Variants in CTNNA3 observed in about 807,000 individuals in gnomAD.
CTNNA3 encodes catenin alpha-3.
A neutral mutation model predicts 95.7 loss-of-function variants in CTNNA3; 76 were observed. That is an observed-to-expected ratio of 0.79 (90% confidence interval 0.66 to 0.96). The LOEUF (loss-of-function observed/expected upper bound fraction) is 0.96. CTNNA3 is among the 40% of genes least tolerant of loss of function. The probability of loss-of-function intolerance (pLI) is 0.00; values close to 1 mark genes in which losing one functional copy is unlikely to be tolerated. For missense variants in CTNNA3, 1,191 were observed against 1,089.8 expected, an observed-to-expected ratio of 1.09 and a Z score of -1.31; for synonymous variants, 431 against 374.4, an observed-to-expected ratio of 1.15 and a Z score of -1.74.
intron 13 of CTNNA3, among the ~76,000 whole-genome samples, chr10:66,125,503 T>A (rs942337674): frequency 6.6e-6 from 1 of 151,912 alleles, no homozygotes; most frequent in African/African-American, 2.4e-5. Context: ...AGAAACCATA[T>A]GCAATGATTA....
intron 10 of CTNNA3, among the ~76,000 whole-genome samples, chr10:66,561,853 A>T (rs1842562825): frequency 6.6e-6 from 1 of 152,004 alleles, no homozygotes; most frequent in Admixed American, 6.6e-5. Flanking sequence ...CAAATTTCAC[A>T]TTATCCTACA....
chr10:67,226,442 A>G (rs138158541), intron 5 of CTNNA3, among the ~76,000 whole-genome samples: 1,618 of 152,322 alleles, frequency 0.011, 32 homozygotes, highest in African/African-American at 0.037. Context: ...CGAAGTTAAG[A>G]TGAAGGAAAG....
intron 17 of CTNNA3, among the ~76,000 whole-genome samples, chr10:65,953,913 G>A (rs1456471619): frequency 6.6e-6 from 1 of 152,168 alleles, no homozygotes; most frequent in Non-Finnish European, 1.5e-5. Context: ...TAATGGGATG[G>A]CTGGGTCAAA....
intron 11 of CTNNA3, among the ~76,000 whole-genome samples, chr10:66,422,500 T>G: frequency 6.6e-6 from 1 of 152,118 alleles, no homozygotes; most frequent in East Asian, 1.9e-4. Flanking sequence ...ATATGCATCA[T>G]TGATGATCTT....
intron 1 of CTNNA3, chr10:67,750,525 C>T (rs1841401294): frequency 1.9e-6 from 3 of 1,576,458 alleles, no homozygotes; most frequent in Non-Finnish European, 1.7e-6. Flanking sequence ...AAGTTGTGGC[C>T]CACTTTCTTT....
At chr10:67,755,802 C>CA (rs201336788) in intron 1 of CTNNA3, among the ~76,000 whole-genome samples, 1,144 of 58,328 alleles carry the variant, frequency 0.02, 27 homozygotes, top group African/African-American at 0.044. Context: ...GTCTCTGCCT[C>CA]AAAAAAAAAA....
intron 1 of CTNNA3, among the ~76,000 whole-genome samples, chr10:67,702,267 C>A (rs1841045653): frequency 6.6e-6 from 1 of 152,058 alleles, no homozygotes; most frequent in Non-Finnish European, 1.5e-5. Flanking sequence ...AGCTCTGCAC[C>A]AAGCGGACCT....
At chr10:66,408,340 C>G (rs1441323198) in intron 11 of CTNNA3, among the ~76,000 whole-genome samples, 1 of 152,034 alleles carries the variant, frequency 6.6e-6, no homozygotes, top group Non-Finnish European at 1.5e-5. Flanking sequence ...TTTTTTCTCT[C>G]CTTCAACTAT....
intron 2 of CTNNA3, among the ~76,000 whole-genome samples, chr10:67,613,910 C>T (rs1843554803): frequency 1.3e-5 from 2 of 152,104 alleles, no homozygotes; most frequent in Non-Finnish European, 2.9e-5. Flanking sequence ...CTGGTGGGTT[C>T]GTGGTCTCGC....
At chr10:67,592,752 A>G (rs1842827078) in intron 3 of CTNNA3, among the ~76,000 whole-genome samples, 1 of 152,202 alleles carries the variant, frequency 6.6e-6, no homozygotes, top group African/African-American at 2.4e-5. Context: ...GATAGAATAC[A>G]TATGACTAAT....
intron 7 of CTNNA3, among the ~76,000 whole-genome samples, chr10:66,796,116 T>A (rs1284786419): frequency 6.6e-6 from 1 of 152,110 alleles, no homozygotes; most frequent in African/African-American, 2.4e-5. Flanking sequence ...ACAAGAACAT[T>A]TCCTTTGCAT....
chr10:67,471,766 G>A (rs1428110572), intron 5 of CTNNA3, among the ~76,000 whole-genome samples: 2 of 152,166 alleles, frequency 1.3e-5, no homozygotes. Flanking sequence ...AATTATGTAT[G>A]CTTTTGTCTC....
chr10:66,764,273 A>T (rs189083354), intron 9 of CTNNA3, among the ~76,000 whole-genome samples: 3 of 152,320 alleles, frequency 2.0e-5, no homozygotes, highest in Admixed American at 6.5e-5. Flanking sequence ...AAAATTCTTG[A>T]ACTTTAAAAC....
chr10:67,493,194 C>G (rs1050365641), intron 5 of CTNNA3, among the ~76,000 whole-genome samples: 1 of 150,100 alleles, frequency 6.7e-6, no homozygotes, highest in African/African-American at 2.5e-5. Context: ...AGAAGCTTCA[C>G]CTAGCTCAAC....
intron 5 of CTNNA3, among the ~76,000 whole-genome samples, chr10:67,501,818 T>G (rs1839241717): frequency 6.6e-6 from 1 of 152,114 alleles, no homozygotes; most frequent in Non-Finnish European, 1.5e-5. Flanking sequence ...CTCCATCAGG[T>G]CATTTATGTT....
chr10:66,929,006 C>T (rs1409232210), intron 7 of CTNNA3, among the ~76,000 whole-genome samples: 1 of 152,124 alleles, frequency 6.6e-6, no homozygotes, highest in Non-Finnish European at 1.5e-5. Flanking sequence ...AAAGATGGTG[C>T]TAGGTTAAAG....
chr10:67,494,956 A>C (rs758194690), intron 5 of CTNNA3, among the ~76,000 whole-genome samples: 15 of 152,226 alleles, frequency 9.9e-5, no homozygotes, highest in Non-Finnish European at 1.9e-4. Flanking sequence ...AAAAAGAATA[A>C]ATATTTTTAT....
intron 15 of CTNNA3, among the ~76,000 whole-genome samples, chr10:66,003,524 G>T (rs79784638): frequency 1.3e-5 from 2 of 151,974 alleles, no homozygotes; most frequent in Non-Finnish European, 2.9e-5. Flanking sequence ...TTTCATGGAG[G>T]GGGAAAAATC....
At chr10:67,441,200 C>A (rs1274201773) in intron 5 of CTNNA3, among the ~76,000 whole-genome samples, 4 of 147,188 alleles carry the variant, frequency 2.7e-5, no homozygotes, top group Non-Finnish European at 6.0e-5. Context: ...CAGAACTGGT[C>A]AATCAGAAGA....
Sources: allele counts gnomAD v4.1 joint callset (sites outside exome capture counted in the v4.1 genomes callset), GRCh38; gene constraint gnomAD v4.1.1; transcripts MANE v1.5; gene names NCBI Gene and HGNC (gene_info 2026-07-23, HGNC 2026-07-21).